The following LINGO2 variants were observed in gnomAD, a reference collection of about 807,000 sequenced individuals.
The protein encoded by LINGO2 is leucine-rich repeat and immunoglobulin-like domain-containing nogo receptor-interacting protein 2.
Under a neutral mutation model 30.6 loss-of-function variants are expected in LINGO2, and 14 were observed. That is an observed-to-expected ratio of 0.46 (90% confidence interval 0.30 to 0.72). The LOEUF is 0.72. LINGO2 is among the 30% of genes least tolerant of loss of function. The probability of loss-of-function intolerance (pLI) is 0.07; values close to 1 mark genes in which losing one functional copy is unlikely to be tolerated. For missense variants in LINGO2, 729 were observed against 751.7 expected, an observed-to-expected ratio of 0.97 and a Z score of 0.35; for synonymous variants, 317 against 288.5, an observed-to-expected ratio of 1.10 and a Z score of -1.00.
the LINGO2 span, among the ~76,000 whole-genome samples, chr9:28,932,731 T>C: frequency 6.6e-6 from 1 of 152,080 alleles, no homozygotes; most frequent in Non-Finnish European, 1.5e-5. Context: ...CCTTTCCTCC[T>C]ACCCAACATC....
intron 4 of LINGO2, among the ~76,000 whole-genome samples, chr9:28,088,967 A>C (rs1825994893): frequency 1.3e-5 from 2 of 152,322 alleles, no homozygotes; most frequent in South Asian, 4.1e-4. Context: ...AGAGACAAAG[A>C]AGGCCATTAC....
the LINGO2 span, among the ~76,000 whole-genome samples, chr9:29,179,799 C>T: frequency 9.2e-5 from 14 of 152,134 alleles, no homozygotes; most frequent in African/African-American, 3.4e-4. Context: ...TCCATGGTAG[C>T]TTACAATACA....
At chr9:28,308,489 C>T (rs1247661242) in intron 3 of LINGO2, among the ~76,000 whole-genome samples, 29 of 141,032 alleles carry the variant, frequency 2.1e-4, no homozygotes, top group African/African-American at 5.2e-4. Flanking sequence ...TAGAAGAAAA[C>T]CTAGGCGTTA....
At chr9:28,143,478 A>G (rs1827730620) in intron 4 of LINGO2, among the ~76,000 whole-genome samples, 1 of 152,152 alleles carries the variant, frequency 6.6e-6, no homozygotes, top group Non-Finnish European at 1.5e-5. Context: ...GTCTGTTTCA[A>G]GTAGCACAGG....
At chr9:28,104,268 T>G (rs1401649520) in intron 4 of LINGO2, among the ~76,000 whole-genome samples, 25 of 124,228 alleles carry the variant, frequency 2.0e-4, no homozygotes, top group African/African-American at 7.6e-4. Context: ...TTTTGTTTGT[T>G]TTTTTTTTTT....
chr9:29,004,477 T>C, the LINGO2 span, among the ~76,000 whole-genome samples: 2 of 151,948 alleles, frequency 1.3e-5, no homozygotes, highest in African/African-American at 2.4e-5. Context: ...TTGACTATTA[T>C]GTGGCACAAC....
At chr9:28,413,213 A>G (rs1171112012) in intron 2 of LINGO2, among the ~76,000 whole-genome samples, 1 of 152,106 alleles carries the variant, frequency 6.6e-6, no homozygotes, top group East Asian at 1.9e-4. Flanking sequence ...TCGACTGTGC[A>G]GGGAATAAAT....
the LINGO2 span, among the ~76,000 whole-genome samples, chr9:28,824,238 G>C: frequency 1.3e-5 from 2 of 152,160 alleles, no homozygotes; most frequent in Admixed American, 1.3e-4. Flanking sequence ...CTAGCTTGAA[G>C]GAAGTGGATT....
At chr9:28,744,000 T>TC in the LINGO2 span, among the ~76,000 whole-genome samples, 1 of 151,464 alleles carries the variant, frequency 6.6e-6, no homozygotes, top group Non-Finnish European at 1.5e-5. Context: ...TTTCTTTTTT[T>TC]CTCTGTGTTC....
the LINGO2 span, among the ~76,000 whole-genome samples, chr9:28,772,838 T>C: frequency 6.6e-6 from 1 of 152,122 alleles, no homozygotes; most frequent in East Asian, 1.9e-4. Context: ...TTAAGTAATA[T>C]ACTTAAGATG....
intron 2 of LINGO2, among the ~76,000 whole-genome samples, chr9:28,442,633 T>C (rs761915585): frequency 1.3e-5 from 2 of 152,204 alleles, no homozygotes; most frequent in East Asian, 1.9e-4. Flanking sequence ...ATTTATTTTC[T>C]TGTTTTTAAA....
At chr9:28,150,265 CG>C in intron 4 of LINGO2, among the ~76,000 whole-genome samples, 1 of 152,294 alleles carries the variant, frequency 6.6e-6, no homozygotes, top group South Asian at 2.1e-4. Flanking sequence ...CATCTCTGCC[CG>C]GCTGCTGTGC....
intron 2 of LINGO2, among the ~76,000 whole-genome samples, chr9:28,425,413 A>T (rs547189030): frequency 7.9e-5 from 12 of 151,634 alleles, no homozygotes; most frequent in Non-Finnish European, 1.6e-4. Context: ...AGAAACTATT[A>T]TAATATTCAT....
At chr9:28,666,750 A>G (rs1453360933) in intron 1 of LINGO2, among the ~76,000 whole-genome samples, 2 of 152,096 alleles carry the variant, frequency 1.3e-5, no homozygotes, top group African/African-American at 4.8e-5. Flanking sequence ...GAAAGTAGAG[A>G]CCCAGGAATA....
chr9:28,105,845 C>G (rs1826574246), intron 4 of LINGO2, among the ~76,000 whole-genome samples: 1 of 152,018 alleles, frequency 6.6e-6, no homozygotes, highest in African/African-American at 2.4e-5. Context: ...CCAAATTGAC[C>G]AGAAACTTGA....
chr9:28,864,108 G>A, the LINGO2 span, among the ~76,000 whole-genome samples: 1 of 152,050 alleles, frequency 6.6e-6, no homozygotes, highest in Non-Finnish European at 1.5e-5. Context: ...TATAAGTGTT[G>A]CTGGGATAAT....
the LINGO2 span, among the ~76,000 whole-genome samples, chr9:29,095,833 A>C: frequency 7.2e-6 from 1 of 138,256 alleles, no homozygotes; most frequent in Admixed American, 7.4e-5. Context: ...GGAGTAACAA[A>C]CCTTTCTTTG....
chr9:28,532,238 G>A (rs1448152247), intron 1 of LINGO2, among the ~76,000 whole-genome samples: 1 of 152,106 alleles, frequency 6.6e-6, no homozygotes, highest in Non-Finnish European at 1.5e-5. Context: ...AAAGCAAGTT[G>A]AATAGATTTC....
At chr9:28,302,823 C>T (rs374563111) in intron 3 of LINGO2, among the ~76,000 whole-genome samples, 7 of 152,128 alleles carry the variant, frequency 4.6e-5, no homozygotes, top group East Asian at 1.9e-4. Flanking sequence ...GCTTTACATA[C>T]ATGTTCTCAT....
Sources: gnomAD v4.1 joint callset for allele counts (sites outside exome capture counted in the v4.1 genomes callset) on GRCh38, gnomAD v4.1.1 for gene constraint, MANE v1.5 for transcripts, NCBI Gene and HGNC (gene_info 2026-07-23, HGNC 2026-07-21) for gene names.